RAB27A: variants seen among roughly 807,000 people sequenced by gnomAD.
RAB27A encodes RAB27A, member RAS oncogene family.
Under a neutral mutation model 20.8 loss-of-function variants are expected in RAB27A, and 17 were observed. That is an observed-to-expected ratio of 0.82 (90% CI 0.56 to 1.23). The LOEUF (loss-of-function observed/expected upper bound fraction) is 1.23. Among genes scored for constraint, RAB27A ranks in the 50% most tolerant of loss-of-function variants. The pLI, the probability that RAB27A is intolerant of heterozygous loss-of-function variation, is 0.00. For missense variants in RAB27A, 277 were observed against 266.7 expected (o/e 1.04, Z -0.27); for synonymous variants, 85 against 92.8 (o/e 0.92, Z 0.48).
intron 2 of RAB27A, among the ~76,000 whole-genome samples, chr15:55,239,832 G>A (rs1395837663): frequency 1.3e-5 from 2 of 152,252 alleles, no homozygotes; most frequent in Non-Finnish European, 2.9e-5. Context: ...GGGCAGGCAG[G>A]TTTTCAAAAT....
At chr15:55,260,078 A>G (rs181939618) in intron 2 of RAB27A, 4 of 152,252 alleles carry the variant, frequency 2.6e-5, no homozygotes, top group African/African-American at 9.6e-5. Flanking sequence ...TTACCTACCT[A>G]AGTACATGCA....
chr15:55,310,205 G>A (rs894050295), intron 2 of RAB27A, among the ~76,000 whole-genome samples: 24 of 152,204 alleles, frequency 1.6e-4, no homozygotes, highest in African/African-American at 5.8e-4. Context: ...TCTAGTGACT[G>A]GCTGTCCTAG....
chr15:55,302,969 T>G (rs2141143034), intron 2 of RAB27A, among the ~76,000 whole-genome samples: 1 of 111,748 alleles, frequency 8.9e-6, no homozygotes, highest in African/African-American at 5.7e-5. Context: ...AGCCACCCCG[T>G]CCAAGAGGGA....
intron 2 of RAB27A, among the ~76,000 whole-genome samples, chr15:55,294,972 G>C (rs924640768): frequency 3.0e-4 from 45 of 152,144 alleles, no homozygotes; most frequent in African/African-American, 9.2e-4. Context: ...AATATATAAA[G>C]AGCTGTAACT....
chr15:55,249,356 C>G (rs1896804703), intron 2 of RAB27A, among the ~76,000 whole-genome samples: 7 of 152,082 alleles, frequency 4.6e-5, no homozygotes, highest in Admixed American at 4.6e-4. Context: ...CTCACCGCAG[C>G]CTTGACCTCC....
intron 5 of RAB27A, among the ~76,000 whole-genome samples, chr15:55,225,353 G>A (rs1169403563): frequency 6.6e-6 from 1 of 152,180 alleles, no homozygotes; most frequent in Non-Finnish European, 1.5e-5. Flanking sequence ...TTCCCCATCT[G>A]TAAATGGTGA....
chr15:55,306,110 G>A (rs572729053), intron 2 of RAB27A, among the ~76,000 whole-genome samples: 21 of 152,134 alleles, frequency 1.4e-4, no homozygotes, highest in African/African-American at 4.3e-4. Context: ...CAGACTATTC[G>A]TGGGGGGGAG....
chr15:55,302,264 G>T (rs953153910), intron 2 of RAB27A, among the ~76,000 whole-genome samples: 1 of 151,962 alleles, frequency 6.6e-6, no homozygotes, highest in Non-Finnish European at 1.5e-5. Context: ...TGGTGGAGAC[G>T]GGGTTTCGCT....
chr15:55,243,555 C>T (rs954212845), intron 2 of RAB27A, among the ~76,000 whole-genome samples: 2 of 151,392 alleles, frequency 1.3e-5, no homozygotes, highest in Non-Finnish European at 2.9e-5. Context: ...TCTTGGGAGG[C>T]TGAGGCAAGA....
At position 55,204,730 on chromosome 15, in the gene RAB27A, AG is replaced by A. The variant is rs1403590922; in HGVS notation, c.*776del. The A allele has an allele frequency of 6.6e-6, 1 of 152,322 alleles. No homozygotes were observed. Among genetic ancestry groups the A allele is most frequent in the Non-Finnish European group, 1.5e-5 (1 of 68,088 alleles). The allele number at this position is 152,322 out of a possible 1,614,324, so 9.4% of individuals were successfully genotyped here. On this transcript the variant is annotated 3_prime_UTR_variant, in exon 7 of 7. Coordinates refer to ENST00000336787, the MANE Select transcript of RAB27A (RefSeq NM_183235.3). ...AGGCCAAGTATAAATGTACAATCAC[AG>A]TGAACTAAAGCCATAAAATCTAGTT...
intron 2 of RAB27A, among the ~76,000 whole-genome samples, chr15:55,268,452 C>G (rs891278199): frequency 1.3e-5 from 2 of 152,206 alleles, no homozygotes; most frequent in Non-Finnish European, 2.9e-5. Flanking sequence ...AGTCCTTCCA[C>G]TCTCTTAATC....
intron 2 of RAB27A, among the ~76,000 whole-genome samples, chr15:55,236,459 G>A (rs1016463232): frequency 2.6e-5 from 4 of 152,040 alleles, no homozygotes; most frequent in South Asian, 2.1e-4. Flanking sequence ...CCAAGGGCTC[G>A]CTTACCTATG....
At chr15:55,309,223 G>T (rs551997040) in intron 2 of RAB27A, among the ~76,000 whole-genome samples, 36 of 152,282 alleles carry the variant, frequency 2.4e-4, no homozygotes, top group Non-Finnish European at 4.4e-4. Flanking sequence ...TTATGCCAAG[G>T]AACCCTCTTA....
intron 2 of RAB27A, among the ~76,000 whole-genome samples, chr15:55,244,977 G>A (rs932204627): frequency 6.6e-6 from 1 of 151,956 alleles, no homozygotes; most frequent in Non-Finnish European, 1.5e-5. Context: ...ACCCATACCC[G>A]GCATTCTGGA....
intron 2 of RAB27A, among the ~76,000 whole-genome samples, chr15:55,266,125 T>C (rs1897472039): frequency 6.6e-6 from 1 of 152,224 alleles, no homozygotes; most frequent in Admixed American, 6.5e-5. Flanking sequence ...GAGGCAGGTC[T>C]TTGGGAAGTA....
chr15:55,316,016 G>A (rs1399320829), intron 1 of RAB27A, among the ~76,000 whole-genome samples: 4 of 152,086 alleles, frequency 2.6e-5, no homozygotes, highest in South Asian at 4.1e-4. Flanking sequence ...GGTGGATCAC[G>A]AGGTCAGCAG....
At chr15:55,253,387 C>T (rs942351197) in intron 2 of RAB27A, among the ~76,000 whole-genome samples, 3 of 151,448 alleles carry the variant, frequency 2.0e-5, no homozygotes, top group Non-Finnish European at 2.9e-5. Flanking sequence ...GCAGAGGTTG[C>T]AGTGAGCCAA....
At chr15:55,271,385 C>A (rs1028420886) in intron 1 of RAB27A, among the ~76,000 whole-genome samples, 20 of 152,342 alleles carry the variant, frequency 1.3e-4, no homozygotes, top group Admixed American at 1.2e-3. Flanking sequence ...TTCTTGGGCC[C>A]ACCCAGCTGA....
intron 6 of RAB27A, among the ~76,000 whole-genome samples, chr15:55,212,623 G>A (rs144951162): frequency 0.013 from 1,911 of 148,944 alleles, 39 homozygotes; most frequent in African/African-American, 0.046. Flanking sequence ...TCCGCCTCCC[G>A]GGCTCACGCC....
Sources: allele counts gnomAD v4.1 joint callset (sites outside exome capture counted in the v4.1 genomes callset), GRCh38; gene constraint gnomAD v4.1.1; transcripts MANE v1.5; gene names NCBI Gene and HGNC (gene_info 2026-07-23, HGNC 2026-07-21).